The following NME7 variants were observed in gnomAD, a reference collection of about 807,000 sequenced individuals.
The protein encoded by NME7 is nucleoside diphosphate kinase 7.
NME7 carries 41 observed loss-of-function variants against 49.1 expected under a neutral mutation model. The ratio of observed to expected loss-of-function variants is 0.83; its 90% CI spans 0.65 to 1.08. NME7 has a LOEUF of 1.08. NME7 is among the 50% of genes least tolerant of loss of function. The pLI is 0.00. For synonymous variants in NME7, 139 were observed against 150.6 expected (o/e 0.92, Z 0.56); for missense variants, 423 against 463.4 (o/e 0.91, Z 0.80).
chr1:169,365,820 A>G (rs991279641), intron 1 of NME7, among the ~76,000 whole-genome samples: 5 of 152,200 alleles, frequency 3.3e-5, no homozygotes, highest in African/African-American at 1.2e-4. Context: ...GACAAACTAA[A>G]ATTTGATCTA....
chr1:169,261,357 A>C (rs1013331572), intron 7 of NME7, among the ~76,000 whole-genome samples: 1 of 134,020 alleles, frequency 7.5e-6, no homozygotes, highest in African/African-American at 2.5e-5. Context: ...AGAAAGATCA[A>C]TCTAAGCACT....
intron 3 of NME7, among the ~76,000 whole-genome samples, chr1:169,311,397 C>T (rs1415385026): frequency 9.2e-5 from 11 of 119,292 alleles, no homozygotes; most frequent in Non-Finnish European, 1.1e-4. Flanking sequence ...CCAGCCTGGG[C>T]GACAGCGAGA....
At chr1:169,240,290 T>C (rs1648026732) in intron 7 of NME7, among the ~76,000 whole-genome samples, 1 of 151,978 alleles carries the variant, frequency 6.6e-6, no homozygotes. Context: ...TAGTATTTTT[T>C]TTAATTAGTG....
At chr1:169,181,095 A>G (rs12067018) in intron 10 of NME7, among the ~76,000 whole-genome samples, 56,403 of 151,862 alleles carry the variant, frequency 0.37, 11,054 homozygotes, top group East Asian at 0.73. Context: ...ATCTAACCAT[A>G]TTTCTCATGC....
At chr1:169,217,345 T>C (rs1197113114) in intron 10 of NME7, among the ~76,000 whole-genome samples, 1 of 152,108 alleles carries the variant, frequency 6.6e-6, no homozygotes, top group African/African-American at 2.4e-5. Flanking sequence ...TGGGATGCAC[T>C]CCAAGTGTAA....
chr1:169,256,335 C>T (rs1287299235), intron 7 of NME7, among the ~76,000 whole-genome samples: 1 of 134,282 alleles, frequency 7.4e-6, no homozygotes, highest in Non-Finnish European at 1.8e-5. Context: ...CACTGAAACC[C>T]TTTCTTCCAG....
intron 7 of NME7, among the ~76,000 whole-genome samples, chr1:169,244,550 G>A (rs1287871642): frequency 6.6e-6 from 1 of 150,984 alleles, no homozygotes; most frequent in African/African-American, 2.4e-5. Context: ...GAAGGAGGAT[G>A]GCGTGAACCT....
chr1:169,251,428 A>C (rs1193078425), intron 7 of NME7, among the ~76,000 whole-genome samples: 1 of 151,910 alleles, frequency 6.6e-6, no homozygotes, highest in Non-Finnish European at 1.5e-5. Flanking sequence ...TTTAAAATCC[A>C]TTCTGCCAAT....
At chr1:169,335,270 G>A (rs1652416681) in intron 1 of NME7, among the ~76,000 whole-genome samples, 1 of 152,080 alleles carries the variant, frequency 6.6e-6, no homozygotes, top group African/African-American at 2.4e-5. Flanking sequence ...TATGTTTTCT[G>A]CAGCACTATT....
chr1:169,230,726 C>T lies in NME7; in HGVS notation c.982G>A (p.Ala328Thr), dbSNP rs1373615565. ...TTTAAACAATAACTTACAGGATCAG[C>T]AGGTCCACAAAATTCTCGAAATGTC... ...TKTFREFCGP[A>T]DPEIARHLRP... is the part of the protein sequence containing the mutation. Residue 328 changes from alanine (A) to threonine (T), a missense_variant, in exon 10 of 12, where the codon GCT (alanine) becomes ACT (threonine). Ala to Thr is a moderately conservative substitution (Grantham distance 58). Coordinates refer to ENST00000367811, the MANE Select transcript of NME7 (RefSeq NM_013330.5). 6.3e-6 allele frequency: 10 copies of T among 1,593,794 alleles called. No individual in the cohort carries two copies. The South Asian group carries it at 1.0e-4, about 16-fold the overall frequency.
intron 7 of NME7, among the ~76,000 whole-genome samples, chr1:169,238,474 A>C (rs1647949411): frequency 3.1e-5 from 3 of 97,572 alleles, no homozygotes; most frequent in South Asian, 6.0e-4. Context: ...TACATGCACA[A>C]AGGCACACAC....
At chr1:169,284,100 TG>T (rs1650162163) in intron 7 of NME7, 1 of 152,104 alleles carries the variant, frequency 6.6e-6, no homozygotes, top group Admixed American at 6.5e-5. Flanking sequence ...AACGCAGATT[TG>T]TCTTTTCACA....
At chr1:169,273,226 C>T (rs1425923044) in intron 7 of NME7, among the ~76,000 whole-genome samples, 3 of 130,736 alleles carry the variant, frequency 2.3e-5, no homozygotes, top group Admixed American at 2.3e-4. Flanking sequence ...CACCCCCTGA[C>T]AGGCCCCAGT....
intron 10 of NME7, among the ~76,000 whole-genome samples, chr1:169,202,606 C>T (rs1660579523): frequency 1.3e-5 from 2 of 152,162 alleles, no homozygotes; most frequent in African/African-American, 4.8e-5. Context: ...AAATTGTTCT[C>T]CTTTGCAATC....
chr1:169,223,112 C>T (rs1376961358), intron 10 of NME7, among the ~76,000 whole-genome samples: 1 of 151,956 alleles, frequency 6.6e-6, no homozygotes, highest in Non-Finnish European at 1.5e-5. Context: ...AACTTTGTGA[C>T]CTTTATATTT....
chr1:169,170,947 T>C (rs1659569103), intron 10 of NME7, among the ~76,000 whole-genome samples: 1 of 152,024 alleles, frequency 6.6e-6, no homozygotes. Context: ...GAAGCCTTAC[T>C]CTGCTTATAT....
chr1:169,364,717 C>T (rs1443142038), intron 1 of NME7, among the ~76,000 whole-genome samples: 2 of 152,176 alleles, frequency 1.3e-5, no homozygotes, highest in African/African-American at 2.4e-5. Flanking sequence ...CATACCTGGG[C>T]ATAGGCAAGC....
intron 10 of NME7, among the ~76,000 whole-genome samples, chr1:169,223,159 T>C (rs1255678353): frequency 6.6e-6 from 1 of 152,248 alleles, no homozygotes; most frequent in Non-Finnish European, 1.5e-5. Flanking sequence ...CATATTTCTG[T>C]ATAATTGAAT....
In NME7 at chr1:169,264,968, G is replaced by A. The variant is rs771707857; in HGVS notation, c.754+22335C>T. On this transcript the variant is annotated intron_variant, in intron 7 of 11. Transcript: ENST00000367811. The stretch of plus-strand genomic sequence containing the variant: ...TCATGGCAGAAGGGGAAGCAAACAT[G>A]TCCTTCACATGGCGGCAACAAAGAG... Among the ~76,000 whole-genome samples, 3 of 133,280 alleles carry A rather than the reference G, an allele frequency of 2.3e-5. 1 individual carries two copies. Among genetic ancestry groups the A allele is most frequent in the Non-Finnish European group, 5.3e-5 (3 of 56,764 alleles). The allele number at this position is 133,280 out of a possible 152,430, so 87.4% of individuals were successfully genotyped here. A position where few individuals can be genotyped will look rare whatever the true frequency, so the allele number is the denominator to read the frequency against.
Sources: allele counts gnomAD v4.1 joint callset (sites outside exome capture counted in the v4.1 genomes callset), GRCh38; gene constraint gnomAD v4.1.1; transcripts MANE v1.5; gene names NCBI Gene and HGNC (gene_info 2026-07-23, HGNC 2026-07-21).